Variants in GLIS3 observed in about 807,000 individuals in gnomAD.
GLIS3 encodes zinc finger protein GLIS3.
Under a neutral mutation model 78.6 loss-of-function variants are expected in GLIS3, and 53 were observed. The ratio of observed to expected loss-of-function variants is 0.67; its 90% confidence interval spans 0.54 to 0.85. GLIS3 has a LOEUF of 0.85. Ranked by LOEUF, GLIS3 falls within the 40% of genes least tolerant of loss-of-function variation. The probability of loss-of-function intolerance (pLI) is 0.00; values close to 1 mark genes in which losing one functional copy is unlikely to be tolerated. For synonymous variants in GLIS3, 684 were observed against 509.9 expected, an observed-to-expected ratio of 1.34 and a Z score of -4.60; for missense variants, 1,703 against 1,231.1, an observed-to-expected ratio of 1.38 and a Z score of -5.74.
chr9:4,321,567 G>A (rs1482469398), intron 2 of GLIS3, among the ~76,000 whole-genome samples: 2 of 144,962 alleles, frequency 1.4e-5, no homozygotes, highest in East Asian at 2.2e-4. Context: ...ATAAGAAAAT[G>A]AACATTTCAG....
intron 6 of GLIS3, among the ~76,000 whole-genome samples, chr9:3,913,627 C>G (rs1824295074): frequency 6.6e-6 from 1 of 152,204 alleles, no homozygotes; most frequent in Admixed American, 6.5e-5. Context: ...TCTCCAAGGT[C>G]CAATTCAATG....
At chr9:4,469,818 T>A in the GLIS3 span, among the ~76,000 whole-genome samples, 3 of 150,754 alleles carry the variant, frequency 2.0e-5, no homozygotes, top group Admixed American at 6.6e-5. Flanking sequence ...AGACACAAAA[T>A]CCCTTCAAAA....
chr9:3,873,745 T>C (rs1307351328), intron 8 of GLIS3, among the ~76,000 whole-genome samples: 1 of 152,196 alleles, frequency 6.6e-6, no homozygotes, highest in Non-Finnish European at 1.5e-5. Flanking sequence ...AGATCATACA[T>C]GTATAAAAGT....
chr9:4,362,481 G>A, the GLIS3 span, among the ~76,000 whole-genome samples: 9 of 152,088 alleles, frequency 5.9e-5, no homozygotes, highest in Non-Finnish European at 8.8e-5. Context: ...TTTCCATCTC[G>A]GCATGGGGCC....
chr9:4,224,881 T>A (rs1465271915), intron 2 of GLIS3, among the ~76,000 whole-genome samples: 1 of 152,106 alleles, frequency 6.6e-6, no homozygotes, highest in African/African-American at 2.4e-5. Flanking sequence ...TACCAACCAA[T>A]GTAATGTTCT....
chr9:3,952,899 A>G (rs1332776327), intron 4 of GLIS3, among the ~76,000 whole-genome samples: 5 of 152,170 alleles, frequency 3.3e-5, no homozygotes, highest in African/African-American at 1.2e-4. Context: ...TTCGTTTAGC[A>G]AGGTCCTGGG....
intron 4 of GLIS3, among the ~76,000 whole-genome samples, chr9:4,040,691 G>A (rs966704898): frequency 1.3e-5 from 2 of 152,232 alleles, no homozygotes; most frequent in African/African-American, 4.8e-5. Flanking sequence ...TAAGTGGATA[G>A]TGAGTTATAA....
chr9:3,859,814 A>G (rs1820062649), intron 8 of GLIS3, among the ~76,000 whole-genome samples: 1 of 152,188 alleles, frequency 6.6e-6, no homozygotes, highest in Non-Finnish European at 1.5e-5. Context: ...ACAGACTAGA[A>G]AAAAAAATTA....
chr9:4,056,213 C>G (rs989590908), intron 4 of GLIS3, among the ~76,000 whole-genome samples: 1 of 152,222 alleles, frequency 6.6e-6, no homozygotes, highest in South Asian at 2.1e-4. Context: ...TCTAATTTAT[C>G]TCTAAAAGCC....
chr9:4,374,497 C>A, the GLIS3 span, among the ~76,000 whole-genome samples: 1 of 152,266 alleles, frequency 6.6e-6, no homozygotes, highest in South Asian at 2.1e-4. Flanking sequence ...CTCACACAGG[C>A]TCAGCCTGAA....
intron 2 of GLIS3, among the ~76,000 whole-genome samples, chr9:4,141,004 T>C (rs756926673): frequency 5.3e-5 from 8 of 152,220 alleles, no homozygotes; most frequent in Non-Finnish European, 1.2e-4. Flanking sequence ...TTCATCATGT[T>C]GGACAGGCTG....
At chr9:3,893,138 C>T (rs1402927825) in intron 7 of GLIS3, among the ~76,000 whole-genome samples, 2 of 152,156 alleles carry the variant, frequency 1.3e-5, no homozygotes, top group African/African-American at 4.8e-5. Context: ...ACAAAAATAA[C>T]CAATACTTTT....
chr9:4,350,266 G>A (rs531533024), upstream of GLIS3, among the ~76,000 whole-genome samples: 5 of 152,346 alleles, frequency 3.3e-5, no homozygotes, highest in South Asian at 1.0e-3. Context: ...GGAGAGCAAA[G>A]AGGGAATAGG....
At chr9:4,485,420 C>T in the GLIS3 span, among the ~76,000 whole-genome samples, 5 of 152,092 alleles carry the variant, frequency 3.3e-5, no homozygotes, top group South Asian at 2.1e-4. Flanking sequence ...CCCCAGAGAC[C>T]GACTCTGCAT....
chr9:4,470,074 T>G, the GLIS3 span, among the ~76,000 whole-genome samples: 1 of 152,194 alleles, frequency 6.6e-6, no homozygotes, highest in African/African-American at 2.4e-5. Context: ...AATCTCTGAA[T>G]AGACCAATAA....
chr9:4,118,605 G>A lies in GLIS3; in HGVS notation c.873C>T (p.Thr291=), dbSNP rs993965601. 1.2e-6 allele frequency: 2 copies of A among 1,614,224 alleles called. No individual in the cohort carries two copies. Among genetic ancestry groups the A allele is most frequent in the South Asian group, 1.1e-5 (1 of 91,086 alleles). ...SPYPSPRHSS[T]RSHSARSKKR... ...TCTTGGAGCGGGCCGAGTGGGACCT[G>A]GTGGATGAGTGCCGAGGACTAGGGT... is the stretch of plus-strand genomic sequence containing the variant. Residue 291 remains threonine (T), a synonymous_variant, in exon 4 of 11, where the codon ACC becomes ACT. Transcript: ENST00000381971. The surrounding 1 kb of genome is among the most constrained non-coding windows in gnomAD (Gnocchi z 4.7).
At chr9:4,041,830 G>C (rs1489741291) in intron 4 of GLIS3, among the ~76,000 whole-genome samples, 1 of 152,120 alleles carries the variant, frequency 6.6e-6, no homozygotes, top group Non-Finnish European at 1.5e-5. Flanking sequence ...CCTAGTCCTT[G>C]CCTTTTTCTG....
intron 8 of GLIS3, among the ~76,000 whole-genome samples, chr9:3,857,353 T>C (rs1026995348): frequency 1.2e-4 from 18 of 152,360 alleles, no homozygotes; most frequent in African/African-American, 4.1e-4. Context: ...GCTGGGCTTT[T>C]GTGGAGGGCC....
chr9:4,230,994 C>T (rs1351916939), intron 2 of GLIS3, among the ~76,000 whole-genome samples: 1 of 152,030 alleles, frequency 6.6e-6, no homozygotes, highest in African/African-American at 2.4e-5. Flanking sequence ...ATCACTTGAG[C>T]CCAGGAGTTT....
Sources: allele counts gnomAD v4.1 joint callset (sites outside exome capture counted in the v4.1 genomes callset), GRCh38; gene constraint gnomAD v4.1.1; non-coding constraint Gnocchi (gnomAD v3.1); transcripts MANE v1.5; gene names NCBI Gene and HGNC (gene_info 2026-07-23, HGNC 2026-07-21).